Variants in MPEG1 observed in about 807,000 individuals in gnomAD.
The protein encoded by MPEG1 is macrophage-expressed gene 1 protein.
For synonymous variants in MPEG1, 365 were observed against 351.9 expected, an observed-to-expected ratio of 1.04 and a Z score of -0.42; for missense variants, 876 against 880.3, an observed-to-expected ratio of 1.00 and a Z score of 0.06.
Position 59,212,375 on chromosome 11 carries a change from G to T in MPEG1, c.491C>A (p.Thr164Asn), listed in dbSNP as rs200830689. ...CCTAAAACCTGAGCTTAGCTCTAAA[G>T]TTGGGTTGATTTTGACTGTGTAGAC... ...NLVYTVKINP[T>N]LELSSGFRKE... Residue 164 changes from threonine (T) to asparagine (N), a missense_variant, in exon 1 of 1, where the codon ACT (threonine) becomes AAT (asparagine). Transcript: ENST00000361050. 1.2e-6 allele frequency: 2 copies of T among 1,614,228 alleles called. No homozygotes were observed. Among genetic ancestry groups the T allele is most frequent in the Non-Finnish European group, 1.7e-6 (2 of 1,180,038 alleles).
rs1322030393 is a variant in MPEG1 at position 59,212,392 on chromosome 11, T to C, written c.474A>G (p.Thr158=). The C allele has an allele frequency of 6.2e-7, 1 of 1,614,190 alleles. No individual in the cohort carries two copies. The highest frequency in any genetic ancestry group is 8.5e-7 in the Non-Finnish European group (1 of 1,179,994). The part of the protein sequence containing the change: ...TRVQVRNLVY[T]VKINPTLELS... ...GCTCTAAAGTTGGGTTGATTTTGAC[T>C]GTGTAGACGAGGTTTCTTACCTGAA... The change falls in exon 1 of 1, where the codon ACA becomes ACG. Residue 158 remains threonine, a synonymous_variant. Transcript: ENST00000361050.
Position 59,211,408 on chromosome 11 carries a change from C to T in MPEG1, c.1458G>A (p.Lys486=), listed in dbSNP as rs773641754. 1.1e-5 allele frequency: 18 copies of T among 1,614,086 alleles called. No homozygotes were observed. In the Admixed American group the frequency reaches 1.5e-4, roughly 13 times the overall value. Residue 486 remains lysine (K), a synonymous_variant, in exon 1 of 1, where the codon AAG becomes AAA. Coordinates refer to ENST00000361050, the MANE Select transcript of MPEG1 (RefSeq NM_001039396.2). Reference sequence around the variant, plus strand: ...GTGCATTTGTCATGGGGTTTATGCTCTTGCTGCTGAAGAGGCCCCCAAAAA... The same window carrying T: ...GTGCATTTGTCATGGGGTTTATGCTTTTGCTGCTGAAGAGGCCCCCAAAAA... The part of the protein sequence containing the change: ...GLLFGGLFSS[K]SINPMTNAQS...
In MPEG1 at chr11:59,211,492, A is replaced by G. The variant is rs771232321; in HGVS notation, c.1374T>C (p.Ala458=). Residue 458 remains alanine (A), a synonymous_variant, in exon 1 of 1, where the codon GCT becomes GCC. Transcript: ENST00000361050. ...CCACACACCAAAAAGCCCTAAATTC[A>G]GCTTTTGCCACCTGGAACACATCTT... is the stretch of plus-strand genomic sequence containing the variant. ...VCEDVFQVAK[A]EFRAFWCVAS... 1.2e-6 allele frequency: 2 copies of G among 1,614,166 alleles called. No homozygotes were observed. Among genetic ancestry groups the G allele is most frequent in the Non-Finnish European group, 1.7e-6 (2 of 1,180,032 alleles).
rs1310351026 is a variant in MPEG1 at position 59,211,806 on chromosome 11, T to A, written c.1060A>T (p.Asn354Tyr). 1 of 1,614,136 alleles carries A rather than the reference T, an allele frequency of 6.2e-7. No homozygotes were observed. The highest frequency in any genetic ancestry group is 1.7e-5 in the Admixed American group (1 of 60,018). Residue 354 changes from asparagine (N) to tyrosine (Y), a missense_variant, in exon 1 of 1, where the codon AAT becomes TAT. Transcript: ENST00000361050. ...GCCTGAAAATTGAAGTTGGGAGAAT[T>A]GAGATCTGTGCAGCCAGGGTAGGTG... Reference protein sequence around the residue: ...FNTYPGCTDLNSPNFNFQANT... With the variant: ...FNTYPGCTDLYSPNFNFQANT...
chr11:59,212,487 C>T lies in MPEG1; in HGVS notation c.379G>A (p.Gly127Ser), dbSNP rs911088544. ...CTCTGGAACTCAGTGGAAAACTTGC[C>T]ATTGACTTTGGAAAAAAGAGAGAGT... ...TELSLFSKVN[G>S]KFSTEFQRMK... The change falls in exon 1 of 1, where the codon GGC becomes AGC. Residue 127 changes from glycine to serine, a missense_variant. Transcript: ENST00000361050. 6.2e-7 allele frequency: 1 copy of T among 1,614,038 alleles called. No homozygotes were observed. Among genetic ancestry groups the T allele is most frequent in the African/African-American group, 1.3e-5 (1 of 74,900 alleles).
rs1323000007 is a variant in MPEG1, at chr11:59,209,751, G to A, written c.*964C>T. On this transcript the variant is annotated 3_prime_UTR_variant, in exon 1 of 1. Transcript: ENST00000361050. ...ATGCAGACATTGAAATGTGGTGTGC[G>A]TGTGTGTGTGTGTGTGTGTGTGTGT... 4 of 26,240 alleles carry A rather than the reference G, an allele frequency of 1.5e-4. No individual in the cohort carries two copies. Among genetic ancestry groups the A allele is most frequent in the South Asian group, 1.6e-3 (1 of 636 alleles). 1.6% of individuals were successfully genotyped at this position (26,240 alleles called of 1,614,324 possible). A position where few individuals can be genotyped will look rare whatever the true frequency, so the allele number is the denominator to read the frequency against.
rs1565224572 is a variant in MPEG1, at chr11:59,209,767, G to GTC, written c.*947_*948insGA. On this transcript the variant is annotated 3_prime_UTR_variant, in exon 1 of 1. Transcript: ENST00000361050. ...GTGGTGTGCGTGTGTGTGTGTGTGTGTGTGTGTGTGTGTGTTCATATAACA... is the reference window on the plus strand; with the variant it reads ...GTGGTGTGCGTGTGTGTGTGTGTGTGTCTGTGTGTGTGTGTGTTCATATAACA... 6.5e-6 allele frequency: 1 copy of GTC among 153,404 alleles called. No individual in the cohort carries two copies. The highest frequency in any genetic ancestry group is 2.4e-5 in the African/African-American group (1 of 41,312). 9.5% of individuals were successfully genotyped at this position (153,404 alleles called of 1,614,324 possible).
rs1020845065 is a variant in MPEG1, at chr11:59,212,720, C to G, written c.146G>C (p.Gly49Ala). Reference sequence around the variant, plus strand: ...CACATTCCGCAGATTGTCCCAGCCCCCTCCAGGTAGGACTTCCAGGACAGG... The same window carrying G: ...CACATTCCGCAGATTGTCCCAGCCCGCTCCAGGTAGGACTTCCAGGACAGG... The part of the protein sequence containing the change: ...KLPVLEVLPG[G>A]GWDNLRNVDM... The change falls in exon 1 of 1, where the codon GGG (glycine) becomes GCG (alanine). Residue 49 changes from glycine (G) to alanine (A), a missense_variant. Physicochemically the swap from Gly to Ala is moderately conservative, Grantham distance 60. Coordinates refer to ENST00000361050, the MANE Select transcript of MPEG1 (RefSeq NM_001039396.2). 6.2e-7 allele frequency: 1 copy of G among 1,614,204 alleles called. No individual in the cohort carries two copies. The highest frequency in any genetic ancestry group is 8.5e-7 in the Non-Finnish European group (1 of 1,180,042).
Position 59,212,025 on chromosome 11 carries a change from C to T in MPEG1, c.841G>A (p.Val281Ile). The change falls in exon 1 of 1, where the codon GTT (valine) becomes ATT (isoleucine). Residue 281 changes from valine (V) to isoleucine (I), a missense_variant. Transcript: ENST00000361050. ...AGGGTGATGCCTGGGTAAAAAGGAA[C>T]CCCTCCAATGCTCTGCACCCTGGAG... Reference protein sequence around the residue: ...TNSRVQSIGGVPFYPGITLQA... With the variant: ...TNSRVQSIGGIPFYPGITLQA... 1 of 1,609,930 alleles carries T rather than the reference C, an allele frequency of 6.2e-7. No individual in the cohort carries two copies. The highest frequency in any genetic ancestry group is 2.2e-5 in the East Asian group (1 of 44,700).
Position 59,209,982 on chromosome 11 carries a change from C to G in MPEG1, c.*733G>C, listed in dbSNP as rs567424557. On this transcript the variant is annotated 3_prime_UTR_variant, in exon 1 of 1. Coordinates refer to ENST00000361050, the MANE Select transcript of MPEG1 (RefSeq NM_001039396.2). ...CACCAGAATCTTTTCCAGTTTTTAC[C>G]CATCTTTCATTACTCCTTGTCTCCA... 38 of 151,856 alleles carry G rather than the reference C, an allele frequency of 2.5e-4. No homozygotes were observed. Among genetic ancestry groups the G allele is most frequent in the Middle Eastern group, 3.4e-3 (1 of 294 alleles). The allele number at this position is 151,856 out of a possible 1,614,324, so 9.4% of individuals were successfully genotyped here.
In MPEG1 at chr11:59,210,756, C is replaced by T. The variant is rs1231730804; in HGVS notation, c.2110G>A (p.Gly704Arg). 10 of 1,614,028 alleles carry T rather than the reference C, an allele frequency of 6.2e-6. No individual in the cohort carries two copies. The highest frequency in any genetic ancestry group is 8.5e-6 in the Non-Finnish European group (10 of 1,180,018). Residue 704 changes from glycine to arginine, a missense_variant, in exon 1 of 1, where the codon GGA becomes AGA. Coordinates refer to ENST00000361050, the MANE Select transcript of MPEG1 (RefSeq NM_001039396.2). Reference sequence around the variant, plus strand: ...CCCTGCTCTTGGTAAGTGGTGTCTCCAGTTGCTGCAGTGCCTGGAACCAAA... The same window carrying T: ...CCCTGCTCTTGGTAAGTGGTGTCTCTAGTTGCTGCAGTGCCTGGAACCAAA... ...QSLVPGTAAT[G>R]DTTYQEQGQS...
Position 59,212,534 on chromosome 11 carries a change from G to A in MPEG1, c.332C>T (p.Thr111Ile). Reference protein sequence around the residue: ...LESWANYQSSTSYSINTELSL... With the variant: ...LESWANYQSSISYSINTELSL... ...GAGTTCTGTGTTGATGGAGTAGGAG[G>A]TGCTACTCTGGTAATTTGCCCAGGA... Residue 111 changes from threonine to isoleucine, a missense_variant, in exon 1 of 1, where the codon ACC (threonine) becomes ATC (isoleucine). By Grantham distance (89) the Thr-to-Ile change is moderately conservative. Transcript: ENST00000361050. 1 of 1,614,156 alleles carries A rather than the reference G, an allele frequency of 6.2e-7. No individual in the cohort carries two copies. The highest frequency in any genetic ancestry group is 8.5e-7 in the Non-Finnish European group (1 of 1,180,010).
In MPEG1 at chr11:59,211,586, T is replaced by C. The variant is rs776881143; in HGVS notation, c.1280A>G (p.Glu427Gly). 6.2e-7 allele frequency: 1 copy of C among 1,614,164 alleles called. No homozygotes were observed. The highest frequency in any genetic ancestry group is 8.5e-7 in the Non-Finnish European group (1 of 1,180,022). ...ACACTCCAGGTGGTTGTAACCCTCC[T>C]CGTGGATCTGGGATAACAGGTGCAC... The part of the protein sequence containing the change: ...SPVHLLSQIH[E>G]EGYNHLECHR... Residue 427 changes from glutamate (E) to glycine (G), a missense_variant, in exon 1 of 1, where the codon GAG (glutamate) becomes GGG (glycine). By Grantham distance (98) the Glu-to-Gly change is moderately conservative. Transcript: ENST00000361050.
Position 59,212,416 on chromosome 11 carries a change from A to C in MPEG1, c.450T>G (p.Val150=), listed in dbSNP as rs778182657. The change falls in exon 1 of 1, where the codon GTT becomes GTG. Residue 150 remains valine (V), a synonymous_variant. Transcript: ENST00000361050. ...CTGTGTAGACGAGGTTTCTTACCTG[A>C]ACTCGGGTAGTTATAGCTTGGTCCT... ...QVKDQAITTR[V]QVRNLVYTVK... is the part of the protein sequence containing the mutation. The C allele has an allele frequency of 6.2e-7, 1 of 1,613,920 alleles. No individual in the cohort carries two copies. The highest frequency in any genetic ancestry group is 8.5e-7 in the Non-Finnish European group (1 of 1,180,016).
In MPEG1 at chr11:59,212,559, A is replaced by T. The variant is rs768835594; in HGVS notation, c.307T>A (p.Ser103Thr). The change falls in exon 1 of 1, where the codon TCC becomes ACC. Residue 103 changes from serine (S) to threonine (T), a missense_variant. Coordinates refer to ENST00000361050, the MANE Select transcript of MPEG1 (RefSeq NM_001039396.2). ...NLEMNSEILE[S>T]WANYQSSTSY... ...GTGCTACTCTGGTAATTTGCCCAGG[A>T]TTCCAGGATTTCTGAGTTCATCTCC... 1.2e-6 allele frequency: 2 copies of T among 1,614,198 alleles called. No homozygotes were observed. Among genetic ancestry groups the T allele is most frequent in the East Asian group, 2.2e-5 (1 of 44,888 alleles).
Position 59,212,065 on chromosome 11 carries a change from G to T in MPEG1, c.801C>A (p.Leu267=), listed in dbSNP as rs768279332. 5.0e-6 allele frequency: 8 copies of T among 1,613,444 alleles called. No homozygotes were observed. In the Admixed American group the frequency reaches 1.3e-4, roughly 27 times the overall value. ...GCACCCTGGAGTTGGTTCGGTTTGA[G>T]AGGTAGCTCTTGGTGAGGACATTCT... is the stretch of plus-strand genomic sequence containing the variant. The part of the protein sequence containing the change: ...TSQNVLTKSY[L]SNRTNSRVQS... Residue 267 remains leucine, a synonymous_variant, in exon 1 of 1, where the codon CTC becomes CTA. Coordinates refer to ENST00000361050, the MANE Select transcript of MPEG1 (RefSeq NM_001039396.2).
Position 59,212,370 on chromosome 11 carries a change from C to G in MPEG1, c.496G>C (p.Glu166Gln), listed in dbSNP as rs368341399. The change falls in exon 1 of 1, where the codon GAG (glutamate) becomes CAG (glutamine). Residue 166 changes from glutamate (E) to glutamine (Q), a missense_variant. Coordinates refer to ENST00000361050, the MANE Select transcript of MPEG1 (RefSeq NM_001039396.2). ...VYTVKINPTLELSSGFRKELL... is the reference protein window; with the variant it reads ...VYTVKINPTLQLSSGFRKELL... ...TCCTTCCTAAAACCTGAGCTTAGCT[C>G]TAAAGTTGGGTTGATTTTGACTGTG... The G allele has an allele frequency of 8.7e-6, 14 of 1,614,072 alleles. No homozygotes were observed. Among genetic ancestry groups the G allele is most frequent in the Admixed American group, 3.3e-5 (2 of 60,008 alleles).
chr11:59,212,007 T>G lies in MPEG1; in HGVS notation c.859A>C (p.Ile287Leu), dbSNP rs753318510. The part of the protein sequence containing the change: ...SIGGVPFYPG[I>L]TLQAWQQGIT... ...CCCTGCTGCCAGGCCTGGAGGGTGA[T>G]GCCTGGGTAAAAAGGAACCCCTCCA... The change falls in exon 1 of 1, where the codon ATC becomes CTC. Residue 287 changes from isoleucine (I) to leucine (L), a missense_variant. Transcript: ENST00000361050. 6 of 1,610,128 alleles carry G rather than the reference T, an allele frequency of 3.7e-6. No homozygotes were observed. The highest frequency in any genetic ancestry group is 1.7e-5 in the Admixed American group (1 of 59,234).
In MPEG1 at chr11:59,212,581, C is replaced by T. The variant is rs548872466; in HGVS notation, c.285G>A (p.Glu95=). 1.9e-6 allele frequency: 3 copies of T among 1,614,206 alleles called. No individual in the cohort carries two copies. The highest frequency in any genetic ancestry group is 1.7e-6 in the Non-Finnish European group (2 of 1,180,046). Reference sequence around the variant, plus strand: ...AGGATTCCAGGATTTCTGAGTTCATCTCCAGGTTGCTCTGTTTCTGGGGAA... The same window carrying T: ...AGGATTCCAGGATTTCTGAGTTCATTTCCAGGTTGCTCTGTTTCTGGGGAA... ...FTIPQKQSNL[E]MNSEILESWA... Residue 95 remains glutamate, a synonymous_variant, in exon 1 of 1, where the codon GAG becomes GAA. Transcript: ENST00000361050.
Sources: allele counts gnomAD v4.1 joint callset, GRCh38; gene constraint gnomAD v4.1.1; transcripts MANE v1.5; gene names NCBI Gene and HGNC (gene_info 2026-07-23, HGNC 2026-07-21).